WNK3: variants seen among roughly 807,000 people sequenced by gnomAD.
The protein encoded by WNK3 is serine/threonine-protein kinase WNK3.
Under a neutral mutation model 116.7 loss-of-function variants are expected in WNK3, and 18 were observed. The ratio of observed to expected loss-of-function variants is 0.15; its 90% CI spans 0.11 to 0.23. The LOEUF (loss-of-function observed/expected upper bound fraction) is 0.23. Ranked by LOEUF, WNK3 falls within the 10% of genes least tolerant of loss-of-function variation. The probability of loss-of-function intolerance (pLI) is 1.00; values close to 1 mark genes in which losing one functional copy is unlikely to be tolerated. For synonymous variants in WNK3, 404 were observed against 469.4 expected (o/e 0.86, Z 1.80); for missense variants, 993 against 1,323.8 (o/e 0.75, Z 3.88).
At chrX:54,205,819 T>TA (rs1428831892) in intron 22 of WNK3, among the ~76,000 whole-genome samples, 1 of 112,081 alleles carries the variant, frequency 8.9e-6, no homozygotes, top group African/African-American at 3.2e-5. Flanking sequence ...CAATGCACAT[T>TA]AAAATAAGTA....
chrX:54,283,890 C>A (rs2068550252), intron 10 of WNK3, among the ~76,000 whole-genome samples: 1 of 105,119 alleles, frequency 9.5e-6, no homozygotes, highest in Non-Finnish European at 1.9e-5. Context: ...AGAAACTTGA[C>A]CCCTTACTTC....
At chrX:54,344,932 A>C (rs1454290003) in intron 1 of WNK3, among the ~76,000 whole-genome samples, 2 of 84,460 alleles carry the variant, frequency 2.4e-5, no homozygotes, top group African/African-American at 9.4e-5. Context: ...CGACAGAGCG[A>C]GACTCCCTCT....
intron 1 of WNK3, among the ~76,000 whole-genome samples, chrX:54,339,790 A>G (rs782074570): frequency 1.0e-3 from 114 of 112,018 alleles, no homozygotes; most frequent in Non-Finnish European, 2.0e-3. Flanking sequence ...AAAACATTGG[A>G]GTAAATCTCA....
chrX:54,232,129 A>ATG (rs1557149087), intron 21 of WNK3, among the ~76,000 whole-genome samples: 11 of 104,561 alleles, frequency 1.1e-4, no homozygotes, highest in African/African-American at 3.2e-4. Flanking sequence ...ATATATATAT[A>ATG]TATATATGTA....
At chrX:54,337,601 A>AAATAAATAAAT (rs2069259239) in intron 1 of WNK3, among the ~76,000 whole-genome samples, 1 of 15,426 alleles carries the variant, frequency 6.5e-5, no homozygotes, top group Admixed American at 6.2e-4. Context: ...AATAAATAAA[A>AAATAAATAAAT]TATTTGAGGC....
chrX:54,256,901 A>T (rs184086954), intron 11 of WNK3, among the ~76,000 whole-genome samples: 95 of 112,541 alleles, frequency 8.4e-4, no homozygotes, highest in African/African-American at 2.8e-3. Flanking sequence ...TATATCATTC[A>T]CATTCCAAAG....
intron 20 of WNK3, among the ~76,000 whole-genome samples, chrX:54,233,729 C>A (rs1202951757): frequency 9.3e-6 from 1 of 107,301 alleles, no homozygotes; most frequent in African/African-American, 3.4e-5. Context: ...AATCCCAGCA[C>A]TTTGGGAGGC....
At chrX:54,207,590 T>A in intron 22 of WNK3, among the ~76,000 whole-genome samples, 1 of 102,680 alleles carries the variant, frequency 9.7e-6, no homozygotes, top group East Asian at 3.2e-4. Flanking sequence ...CTCGGCTCAC[T>A]GCAACCTCCG....
At chrX:54,245,478 C>A (rs981854130) in intron 17 of WNK3, among the ~76,000 whole-genome samples, 2 of 109,732 alleles carry the variant, frequency 1.8e-5, no homozygotes, top group Non-Finnish European at 3.8e-5. Context: ...TGGAGTGAGA[C>A]CCTGTCTCAA....
intron 10 of WNK3, among the ~76,000 whole-genome samples, chrX:54,274,530 C>T (rs200198168): frequency 3.6e-5 from 4 of 111,720 alleles, no homozygotes; most frequent in Non-Finnish European, 7.5e-5. Context: ...GACATCACTA[C>T]GGTAATTTTT....
chrX:54,215,116 CAAAAAAAAA>C (rs60946524), intron 22 of WNK3, among the ~76,000 whole-genome samples: 3 of 29,458 alleles, frequency 1.0e-4, no homozygotes, highest in African/African-American at 3.4e-4. Context: ...GACTCCATCT[CAAAAAAAAA>C]AAAAAAAAAA....
At chrX:54,324,262 T>C (rs188117953) in intron 2 of WNK3, among the ~76,000 whole-genome samples, 1 of 112,211 alleles carries the variant, frequency 8.9e-6, no homozygotes, top group East Asian at 2.8e-4. Context: ...TTCCAATCCC[T>C]AGATCTTTAA....
chrX:54,198,895 A>G (rs970753553), intron 23 of WNK3, among the ~76,000 whole-genome samples: 1 of 110,768 alleles, frequency 9.0e-6, no homozygotes, highest in Non-Finnish European at 1.9e-5. Flanking sequence ...GCCCTGCCTT[A>G]CATTTTTATA....
At chrX:54,339,834 C>T (rs1235441407) in intron 1 of WNK3, among the ~76,000 whole-genome samples, 1 of 111,857 alleles carries the variant, frequency 8.9e-6, no homozygotes, top group Non-Finnish European at 1.9e-5. Context: ...AGCCACAACA[C>T]TAAAACCACA....
chrX:54,268,078 G>A (rs1022347622), intron 10 of WNK3, among the ~76,000 whole-genome samples: 20 of 74,733 alleles, frequency 2.7e-4, no homozygotes, highest in Admixed American at 1.3e-3. Flanking sequence ...ATCTGAATGC[G>A]TGCACACACA....
intron 2 of WNK3, among the ~76,000 whole-genome samples, chrX:54,331,304 C>T (rs1489844464): frequency 9.8e-6 from 1 of 102,356 alleles, no homozygotes; most frequent in Non-Finnish European, 1.9e-5. Flanking sequence ...TATACACTTA[C>T]AGATAATGAA....
intron 21 of WNK3, among the ~76,000 whole-genome samples, chrX:54,230,526 G>A (rs911664810): frequency 3.6e-5 from 4 of 112,008 alleles, no homozygotes; most frequent in African/African-American, 1.3e-4. Flanking sequence ...ACCAAGTGCT[G>A]AAGAGCATCA....
At chrX:54,251,079 A>G (rs782713519) in intron 15 of WNK3, among the ~76,000 whole-genome samples, 3 of 111,954 alleles carry the variant, frequency 2.7e-5, no homozygotes, top group Admixed American at 9.6e-5. Flanking sequence ...GTTTCTATCC[A>G]TCTCAAATCA....
intron 2 of WNK3, among the ~76,000 whole-genome samples, chrX:54,323,987 T>C (rs949601278): frequency 1.8e-4 from 20 of 112,465 alleles, no homozygotes; most frequent in African/African-American, 5.5e-4. Context: ...GTTGTAGGGA[T>C]TAAGAAATCC....
Sources: gnomAD v4.1 joint callset for allele counts (sites outside exome capture counted in the v4.1 genomes callset) on GRCh38, gnomAD v4.1.1 for gene constraint, MANE v1.5 for transcripts, NCBI Gene and HGNC (gene_info 2026-07-23, HGNC 2026-07-21) for gene names.